The following PLA2G2C variants were observed in gnomAD, a reference collection of about 807,000 sequenced individuals.
PLA2G2C encodes putative inactive group IIC secretory phospholipase A2.
In PLA2G2C, 15 loss-of-function variants were observed where a neutral mutation model predicts 14.3. The ratio of observed to expected loss-of-function variants is 1.05; its 90% CI spans 0.70 to 1.62. PLA2G2C has a LOEUF of 1.62. PLA2G2C is among the 40% of genes most tolerant of loss of function. The pLI is 0.00. For synonymous variants in PLA2G2C, 79 were observed against 67.7 expected (o/e 1.17, Z -0.82); for missense variants, 162 against 173.2 (o/e 0.94, Z 0.36).
intron 4 of PLA2G2C, among the ~76,000 whole-genome samples, chr1:20,164,741 G>GT (rs2017946826): frequency 6.6e-6 from 1 of 152,212 alleles, no homozygotes; most frequent in Non-Finnish European, 1.5e-5. Context: ...CTGTGAGCCC[G>GT]TGATTCACCC....
At chr1:20,178,135 T>G (rs1202179431) in intron 1 of PLA2G2C, among the ~76,000 whole-genome samples, 4 of 152,162 alleles carry the variant, frequency 2.6e-5, no homozygotes, top group Non-Finnish European at 5.9e-5. Flanking sequence ...TCAAATGCAG[T>G]CATAGGTAGA....
chr1:20,182,640 G>C (rs952232095), intron 1 of PLA2G2C, among the ~76,000 whole-genome samples: 1 of 152,224 alleles, frequency 6.6e-6, no homozygotes, highest in Non-Finnish European at 1.5e-5. Context: ...ATCCCCTTAG[G>C]AAGCTGATCA....
chr1:20,172,774 A>C lies in PLA2G2C; in HGVS notation c.283+20T>G, dbSNP rs776763007. The C allele has an allele frequency of 2.2e-5, 35 of 1,596,234 alleles. No individual in the cohort carries two copies. In the South Asian group the frequency reaches 3.8e-4, roughly 17 times the overall value. ...AAGGCCCAGGTTAAAAGACATTTCCATACAGAAAAGGCTACTCACAAACCA... is the reference window on the plus strand; with the variant it reads ...AAGGCCCAGGTTAAAAGACATTTCCCTACAGAAAAGGCTACTCACAAACCA... On this transcript the variant is annotated intron_variant, in intron 4 of 4. Transcript: ENST00000679259.
chr1:20,165,367 C>T (rs1210094979), intron 4 of PLA2G2C, among the ~76,000 whole-genome samples: 1 of 152,210 alleles, frequency 6.6e-6, no homozygotes, highest in Non-Finnish European at 1.5e-5. Flanking sequence ...TTGTCTCACT[C>T]ACTGTGCTTT....
intron 1 of PLA2G2C, among the ~76,000 whole-genome samples, chr1:20,179,596 T>C (rs548240689): frequency 6.6e-6 from 1 of 151,554 alleles, no homozygotes; most frequent in South Asian, 2.1e-4. Flanking sequence ...TCTCTGTGTG[T>C]GTCAGCTTCT....
chr1:20,169,933 T>C (rs183134107), intron 4 of PLA2G2C, among the ~76,000 whole-genome samples: 2 of 152,308 alleles, frequency 1.3e-5, no homozygotes, highest in Middle Eastern at 3.4e-3. Flanking sequence ...TTGCTGCAGA[T>C]CCTGAGACTT....
At chr1:20,185,450 C>G (rs1192623558) in intron 1 of PLA2G2C, among the ~76,000 whole-genome samples, 1 of 152,074 alleles carries the variant, frequency 6.6e-6, no homozygotes, top group Non-Finnish European at 1.5e-5. Flanking sequence ...GGACAGGAAA[C>G]CCAAAGATGG....
chr1:20,177,462 A>G, intron 1 of PLA2G2C, 23 bp from the exon 2 acceptor site: 1 of 593,364 alleles, frequency 1.7e-6, no homozygotes. Context: ...AAAATGACCA[A>G]AATGAGGCAA....
chr1:20,178,250 A>G (rs751188532), intron 1 of PLA2G2C, among the ~76,000 whole-genome samples: 2 of 152,216 alleles, frequency 1.3e-5, no homozygotes, highest in Non-Finnish European at 2.9e-5. Context: ...GGATCAGCCA[A>G]TGGCTTTCTT....
intron 2 of PLA2G2C, among the ~76,000 whole-genome samples, chr1:20,176,103 G>T (rs1423861820): frequency 6.6e-6 from 1 of 151,948 alleles, no homozygotes; most frequent in Non-Finnish European, 1.5e-5. Flanking sequence ...TAGAGACGGG[G>T]TTTCACCATC....
intron 4 of PLA2G2C, among the ~76,000 whole-genome samples, chr1:20,167,184 T>C (rs555846320): frequency 7.9e-5 from 12 of 152,288 alleles, no homozygotes; most frequent in Admixed American, 2.6e-4. Flanking sequence ...CTGAGGGGTG[T>C]TCTTGGTCAG....
chr1:20,171,413 C>T lies in PLA2G2C; in HGVS notation c.283+1381G>A, dbSNP rs112287104. Among the ~76,000 whole-genome samples the T allele has an allele frequency of 9.8e-3, 1,490 of 152,296 alleles. 22 individuals carry two copies. Among genetic ancestry groups the T allele is most frequent in the African/African-American group, 0.033 (1,382 of 41,554 alleles). ...GGGCAGGCCAAGAGCTGAGGCAGGTCCTCCCGGTGCAGGGGTCCGAGCCCC... is the reference window on the plus strand; with the variant it reads ...GGGCAGGCCAAGAGCTGAGGCAGGTTCTCCCGGTGCAGGGGTCCGAGCCCC... On this transcript the variant is annotated intron_variant, in intron 4 of 4. Coordinates refer to ENST00000679259, the MANE Select transcript of PLA2G2C (RefSeq NM_001367969.2).
chr1:20,180,809 C>G (rs1041259336), intron 1 of PLA2G2C, among the ~76,000 whole-genome samples: 1 of 152,236 alleles, frequency 6.6e-6, no homozygotes, highest in African/African-American at 2.4e-5. Flanking sequence ...TGGCCTCCCA[C>G]GCCAGCCCCT....
At chr1:20,175,745 A>G (rs939362471) in intron 2 of PLA2G2C, among the ~76,000 whole-genome samples, 9 of 152,194 alleles carry the variant, frequency 5.9e-5, no homozygotes, top group Non-Finnish European at 1.2e-4. Flanking sequence ...GTCCACCGAC[A>G]GGGGGATAAT....
intron 1 of PLA2G2C, among the ~76,000 whole-genome samples, chr1:20,178,349 G>A (rs1261643102): frequency 6.6e-6 from 1 of 152,212 alleles, no homozygotes; most frequent in Non-Finnish European, 1.5e-5. Context: ...TAGCTCGGTT[G>A]AGCCTAGAGA....
chr1:20,179,623 CTGTG>C (rs113566701), intron 1 of PLA2G2C, among the ~76,000 whole-genome samples: 9 of 140,044 alleles, frequency 6.4e-5, no homozygotes, highest in South Asian at 2.3e-4. Context: ...GTGTCAGTTT[CTGTG>C]TGTGTGTGTG....
intron 2 of PLA2G2C, 134 bp from the exon 3 acceptor site, chr1:20,175,279 A>G: frequency 1.6e-6 from 2 of 1,283,584 alleles, no homozygotes; most frequent in Non-Finnish European, 1.1e-6. Flanking sequence ...TGCAAGGGGC[A>G]TGGCTGGAAT....
intron 4 of PLA2G2C, among the ~76,000 whole-genome samples, chr1:20,166,679 T>C (rs1244057118): frequency 6.6e-6 from 1 of 152,218 alleles, no homozygotes; most frequent in Non-Finnish European, 1.5e-5. Flanking sequence ...TTCCATCTCT[T>C]GTTTCCTTTG....
intron 4 of PLA2G2C, among the ~76,000 whole-genome samples, chr1:20,171,711 C>T (rs753367334): frequency 6.0e-4 from 91 of 151,412 alleles, no homozygotes; most frequent in Admixed American, 1.1e-3. Flanking sequence ...TGCAACCCCA[C>T]GAGGCCAGGC....
Sources: allele counts gnomAD v4.1 joint callset (sites outside exome capture counted in the v4.1 genomes callset), GRCh38; gene constraint gnomAD v4.1.1; transcripts MANE v1.5; gene names NCBI Gene and HGNC (gene_info 2026-07-23, HGNC 2026-07-21).